SNRPC: variants seen among roughly 807,000 people sequenced by gnomAD.
SNRPC encodes the protein small nuclear ribonucleoprotein polypeptide C.
A neutral mutation model predicts 20.0 loss-of-function variants in SNRPC; 5 were observed. The observed-to-expected ratio is 0.25, with a 90% confidence interval of 0.13 to 0.53. SNRPC has a LOEUF of 0.53. Among genes scored for constraint, SNRPC ranks in the 20% least tolerant of loss-of-function variants. The pLI, the probability that SNRPC is intolerant of heterozygous loss-of-function variation, is 0.96. For synonymous variants in SNRPC, 61 were observed against 58.7 expected (o/e 1.04, Z -0.18); for missense variants, 112 against 224.1 (o/e 0.50, Z 3.19).
At chr6:34,761,513 A>ATTTTTTTTTTTTTTTTTTTT in intron 2 of SNRPC, among the ~76,000 whole-genome samples, 1 of 85,648 alleles carries the variant, frequency 1.2e-5, no homozygotes, top group Non-Finnish European at 2.1e-5. Context: ...ACAAGGAACA[A>ATTTTTTTTTTTTTTTTTTTT]TTTTTTTTTT....
rs1764467483 is a variant in SNRPC at position 34,757,511 on chromosome 6, C to G, written c.-33C>G. The G allele has an allele frequency of 6.2e-7, 1 of 1,611,350 alleles. No individual in the cohort carries two copies. The highest frequency in any genetic ancestry group is 1.3e-5 in the African/African-American group (1 of 74,978). On this transcript the variant is annotated 5_prime_UTR_variant, in exon 1 of 6. Transcript: ENST00000244520. ...CTGTGCGCGTCATTTCCGGGCGTCA[C>G]GTAACGGAGTGGCCAACGGCCTGCA... is the stretch of plus-strand genomic sequence containing the variant.
intron 3 of SNRPC, among the ~76,000 whole-genome samples, chr6:34,765,016 G>A (rs566791082): frequency 7.3e-4 from 111 of 151,790 alleles, no homozygotes; most frequent in South Asian, 4.2e-3. Context: ...GCGAGACTCT[G>A]TCTGAAAAAA....
chr6:34,764,427 G>A (rs1764586146), intron 3 of SNRPC, among the ~76,000 whole-genome samples: 1 of 151,696 alleles, frequency 6.6e-6, no homozygotes, highest in African/African-American at 2.4e-5. Flanking sequence ...GTTGAGCCGA[G>A]ATCGCGCCAT....
intron 2 of SNRPC, among the ~76,000 whole-genome samples, chr6:34,759,628 G>C (rs1764507140): frequency 6.6e-6 from 1 of 152,178 alleles, no homozygotes; most frequent in Non-Finnish European, 1.5e-5. Context: ...ATACGTTGAA[G>C]AATACAGTGA....
chr6:34,773,670 G>A lies in SNRPC; in HGVS notation c.*100G>A. On this transcript the variant is annotated 3_prime_UTR_variant, in exon 6 of 6. Coordinates refer to ENST00000244520, the MANE Select transcript of SNRPC (RefSeq NM_003093.3). The surrounding 1 kb of genome is among the most constrained non-coding windows in gnomAD (Gnocchi z 4.1). ...TACTGAGTTTTCTAAACAGCATAAG[G>A]AAGACTTGCTCCCCTGTCCTATGAA... The A allele has an allele frequency of 2.8e-6, 3 of 1,059,490 alleles. No individual in the cohort carries two copies. Among genetic ancestry groups the A allele is most frequent in the Non-Finnish European group, 4.2e-6 (3 of 722,378 alleles). The allele number at this position is 1,059,490 out of a possible 1,614,324, so 65.6% of individuals were successfully genotyped here. A position where few individuals can be genotyped will look rare whatever the true frequency, so the allele number is the denominator to read the frequency against.
chr6:34,762,945 G>A (rs535145667), intron 3 of SNRPC, among the ~76,000 whole-genome samples: 5 of 152,326 alleles, frequency 3.3e-5, no homozygotes, highest in Admixed American at 1.3e-4. Context: ...AGGCAGAGAA[G>A]AGTGGAGGTG....
chr6:34,770,728 A>T (rs1469871081), intron 5 of SNRPC, among the ~76,000 whole-genome samples: 1 of 152,156 alleles, frequency 6.6e-6, no homozygotes, highest in Middle Eastern at 3.2e-3. Context: ...TCCTTGCCTC[A>T]TCCTGGCTTT....
chr6:34,757,725 G>A, intron 1 of SNRPC, 174 bp downstream of exon 1: 18 of 1,476,504 alleles, frequency 1.2e-5, no homozygotes, highest in Non-Finnish European at 1.7e-5. Context: ...GAGTGCAGAT[G>A]GATCCCGCTT....
chr6:34,768,066 T>C, intron 4 of SNRPC, 69 bp downstream of exon 4: 1 of 1,424,222 alleles, frequency 7.0e-7, no homozygotes, highest in Non-Finnish European at 9.6e-7. Flanking sequence ...TTAGATTATC[T>C]CACCGTTGGC....
At chr6:34,761,072 C>A (rs1297844732) in intron 2 of SNRPC, among the ~76,000 whole-genome samples, 2 of 150,652 alleles carry the variant, frequency 1.3e-5, no homozygotes, top group African/African-American at 4.9e-5. Flanking sequence ...AAAAAAACAA[C>A]AAAAAAGAAA....
rs768272895 is a variant in SNRPC at position 34,768,008 on chromosome 6, A to G, written c.250+11A>G. 5.6e-6 allele frequency: 9 copies of G among 1,605,336 alleles called. No individual in the cohort carries two copies. The highest frequency in any genetic ancestry group is 7.6e-6 in the Non-Finnish European group (9 of 1,177,238). On this transcript the variant is annotated intron_variant, in intron 4 of 5. Transcript: ENST00000244520. Reference sequence around the variant, plus strand: ...CTCCCCCCAGCCTTCGTAAGTTTAAACTTTTAATCTTAAGGGGTGTGACGG... The same window carrying G: ...CTCCCCCCAGCCTTCGTAAGTTTAAGCTTTTAATCTTAAGGGGTGTGACGG...
At chr6:34,768,790 G>A (rs1764648790) in intron 4 of SNRPC, among the ~76,000 whole-genome samples, 1 of 151,570 alleles carries the variant, frequency 6.6e-6, no homozygotes, top group African/African-American at 2.4e-5. Context: ...AGAAGGAAAG[G>A]TAAGAATTAG....
chr6:34,757,767 C>G, intron 1 of SNRPC, 145 bp from the exon 2 acceptor site: 1 of 1,573,466 alleles, frequency 6.4e-7, no homozygotes, highest in Non-Finnish European at 8.6e-7. Flanking sequence ...GTTTATGTGT[C>G]GACGCTTTGA....
chr6:34,762,088 G>C (rs1322976040), intron 2 of SNRPC, among the ~76,000 whole-genome samples: 1 of 152,106 alleles, frequency 6.6e-6, no homozygotes, highest in African/African-American at 2.4e-5. Context: ...AGGATCACTT[G>C]AGCCTAGGGG....
chr6:34,757,697 G>A, intron 1 of SNRPC, 146 bp downstream of exon 1: 3 of 1,378,244 alleles, frequency 2.2e-6, no homozygotes, highest in Non-Finnish European at 2.0e-6. Context: ...GATGGAGAGC[G>A]CTAGACACCC....
intron 2 of SNRPC, among the ~76,000 whole-genome samples, chr6:34,758,349 C>G (rs1179300879): frequency 1.3e-5 from 2 of 151,710 alleles, no homozygotes; most frequent in Admixed American, 6.6e-5. Context: ...GAGTTTCGCT[C>G]TTGTTGCCCT....
At chr6:34,759,019 CAAAAAAAAAAAAAAAAAA>C (rs755576537) in intron 2 of SNRPC, among the ~76,000 whole-genome samples, 132 of 24,646 alleles carry the variant, frequency 5.4e-3, no homozygotes, top group African/African-American at 0.013. Context: ...GACTCCGTCT[CAAAAAAAAAAAAAAAAAA>C]AAAAAAAAGA....
At chr6:34,761,688 A>G (rs879535773) in intron 2 of SNRPC, among the ~76,000 whole-genome samples, 2 of 150,150 alleles carry the variant, frequency 1.3e-5, no homozygotes, top group Non-Finnish European at 3.0e-5. Flanking sequence ...ACTTTTTTGT[A>G]TTTTTAGCAG....
intron 5 of SNRPC, among the ~76,000 whole-genome samples, chr6:34,772,151 A>G (rs1198173133): frequency 2.6e-5 from 4 of 152,212 alleles, no homozygotes; most frequent in East Asian, 1.9e-4. Flanking sequence ...AAAGTTGTCC[A>G]TGAGTGGATA....
Sources: allele counts gnomAD v4.1 joint callset (sites outside exome capture counted in the v4.1 genomes callset), GRCh38; gene constraint gnomAD v4.1.1; non-coding constraint Gnocchi (gnomAD v3.1); transcripts MANE v1.5; gene names NCBI Gene and HGNC (gene_info 2026-07-23, HGNC 2026-07-21).